The following TPST2 variants were observed in gnomAD, a reference collection of about 807,000 sequenced individuals.
TPST2 encodes the protein tyrosylprotein sulfotransferase 2.
Under a neutral mutation model 27.8 loss-of-function variants are expected in TPST2, and 16 were observed. That is an observed-to-expected ratio of 0.58 (90% confidence interval 0.39 to 0.88). The LOEUF is 0.88. TPST2 is among the 40% of genes least tolerant of loss of function. The pLI is 0.00. For missense variants in TPST2, 464 were observed against 543.1 expected (o/e 0.85, Z 1.45); for synonymous variants, 229 against 231.7 (o/e 0.99, Z 0.10).
chr22:26,555,718 C>A (rs1286880469), intron 1 of TPST2, among the ~76,000 whole-genome samples: 1 of 152,232 alleles, frequency 6.6e-6, no homozygotes, highest in East Asian at 1.9e-4. Context: ...ACGTTCAGGG[C>A]ACGCTGGAGC....
intron 1 of TPST2, among the ~76,000 whole-genome samples, chr22:26,570,442 C>A (rs1171681005): frequency 6.6e-6 from 1 of 152,138 alleles, no homozygotes; most frequent in Non-Finnish European, 1.5e-5. Context: ...GTCTGCTTGT[C>A]TTCCTCTTTC....
In TPST2 at chr22:26,541,228, C is replaced by T. The variant is rs772767474; in HGVS notation, c.403G>A (p.Ala135Thr). 14 of 1,555,970 alleles carry T rather than the reference C, an allele frequency of 9.0e-6. No individual in the cohort carries two copies. Among genetic ancestry groups the T allele is most frequent in the South Asian group, 1.2e-5 (1 of 81,512 alleles). Residue 135 changes from alanine (A) to threonine (T), a missense_variant, in exon 3 of 7, where the codon GCC becomes ACC. Physicochemically the swap from Ala to Thr is moderately conservative, Grantham distance 58. Coordinates refer to ENST00000338754, the MANE Select transcript of TPST2 (RefSeq NM_003595.5). The surrounding 1 kb of genome is among the most constrained non-coding windows in gnomAD (Gnocchi z 5.9). ...TCCAGGATGAAGGCCTGCATGGCGG[C>T]GTCCAGCACCTCATCCGTCACCCCC... ...EAGVTDEVLDAAMQAFILEVI... is the reference protein window; with the variant it reads ...EAGVTDEVLDTAMQAFILEVI...
At chr22:26,531,779 T>C (rs901560896) in intron 5 of TPST2, among the ~76,000 whole-genome samples, 8 of 152,164 alleles carry the variant, frequency 5.3e-5, no homozygotes, top group African/African-American at 1.4e-4. Context: ...CCAGCTGCAA[T>C]GGGGTGCGCA....
intron 1 of TPST2, among the ~76,000 whole-genome samples, chr22:26,552,254 C>T (rs771288106): frequency 1.2e-4 from 18 of 152,104 alleles, no homozygotes; most frequent in South Asian, 2.1e-4. Context: ...CTAAGGAACG[C>T]GTGGTCCGGT....
intron 1 of TPST2, among the ~76,000 whole-genome samples, chr22:26,568,178 T>G (rs1393314062): frequency 6.6e-6 from 1 of 152,186 alleles, no homozygotes; most frequent in African/African-American, 2.4e-5. Flanking sequence ...GGCAATAGAA[T>G]GGATAAACAA....
Position 26,541,772 on chromosome 22 carries a change from T to C in TPST2, c.-88-54A>G, listed in dbSNP as rs2147190381. On this transcript the variant is annotated intron_variant, in intron 2 of 6. Coordinates refer to ENST00000338754, the MANE Select transcript of TPST2 (RefSeq NM_003595.5). The surrounding 1 kb of genome is among the most constrained non-coding windows in gnomAD (Gnocchi z 5.9). ...AGGGAGGTCTGTGAGCTGTGAGCTC[T>C]CCAATAACTGCAAAGCCCTATAACT... is the stretch of plus-strand genomic sequence containing the variant. The C allele has an allele frequency of 5.0e-6, 7 of 1,409,262 alleles. No homozygotes were observed. The highest frequency in any genetic ancestry group is 2.6e-4 in the Middle Eastern group (1 of 3,826). 87.3% of individuals were successfully genotyped at this position (1,409,262 alleles called of 1,614,324 possible). A position where few individuals can be genotyped will look rare whatever the true frequency, so the allele number is the denominator to read the frequency against.
chr22:26,558,198 G>A (rs1215038174), intron 1 of TPST2, among the ~76,000 whole-genome samples: 1 of 150,262 alleles, frequency 6.7e-6, no homozygotes, highest in Non-Finnish European at 1.5e-5. Context: ...GAGTGCAATG[G>A]AGCAATCACA....
intron 1 of TPST2, among the ~76,000 whole-genome samples, chr22:26,557,645 G>C (rs560566060): frequency 3.3e-5 from 5 of 151,770 alleles, no homozygotes; most frequent in Non-Finnish European, 7.4e-5. Context: ...CATTGGTCTG[G>C]TTGTGACCTG....
chr22:26,561,991 C>A (rs1003180663), intron 1 of TPST2, among the ~76,000 whole-genome samples: 1 of 152,206 alleles, frequency 6.6e-6, no homozygotes, highest in African/African-American at 2.4e-5. Context: ...GGCTACACCC[C>A]GTGACATTTC....
chr22:26,562,874 C>T (rs138373449), intron 1 of TPST2, among the ~76,000 whole-genome samples: 3 of 152,244 alleles, frequency 2.0e-5, no homozygotes, highest in South Asian at 2.1e-4. Flanking sequence ...CTGCCCGCCT[C>T]GGCCTCCCAA....
Position 26,541,809 on chromosome 22 carries a change from G to C in TPST2, c.-88-91C>G. The C allele has an allele frequency of 8.0e-7, 1 of 1,247,308 alleles. No individual in the cohort carries two copies. The highest frequency in any genetic ancestry group is 1.1e-6 in the Non-Finnish European group (1 of 938,234). The allele number at this position is 1,247,308 out of a possible 1,614,324, so 77.3% of individuals were successfully genotyped here. On this transcript the variant is annotated intron_variant, in intron 2 of 6. Transcript: ENST00000338754. The surrounding 1 kb of genome is among the most constrained non-coding windows in gnomAD (Gnocchi z 5.9). ...AAAGCCCTATAACTGCAAACAAGAG[G>C]CTGCTGACATGAATGCAGAGGGCAC...
intron 1 of TPST2, among the ~76,000 whole-genome samples, chr22:26,558,759 G>A (rs12628737): frequency 0.16 from 24,087 of 152,156 alleles, 2,171 homozygotes; most frequent in South Asian, 0.3. Context: ...TTGTCCTTGA[G>A]CACAAAAACT....
In TPST2 at chr22:26,545,210, C is replaced by T. The variant is rs150413679; in HGVS notation, c.-160-535G>A. 1.4e-4 allele frequency among the ~76,000 whole-genome samples: 22 copies of T among 152,276 alleles called. No individual in the cohort carries two copies. The East Asian group carries it at 3.9e-3, about 27-fold the overall frequency. On this transcript the variant is annotated intron_variant, in intron 1 of 6. Transcript: ENST00000338754. ...CCTAACACTGACCAAATGCTGACCA[C>T]GCAAATACCTGTGTCATTTAAACCC...
At chr22:26,579,832 G>A (rs1928021547) in intron 1 of TPST2, among the ~76,000 whole-genome samples, 1 of 151,732 alleles carries the variant, frequency 6.6e-6, no homozygotes, top group African/African-American at 2.4e-5. Flanking sequence ...ATGTAGATGG[G>A]GAGAGAGAGT....
intron 1 of TPST2, among the ~76,000 whole-genome samples, chr22:26,553,232 A>G (rs565395563): frequency 6.6e-6 from 1 of 152,220 alleles, no homozygotes; most frequent in South Asian, 2.1e-4. Flanking sequence ...GCCTTTGGTA[A>G]GAGAAAAATG....
chr22:26,568,957 G>A (rs1927489390), intron 1 of TPST2, among the ~76,000 whole-genome samples: 1 of 145,310 alleles, frequency 6.9e-6, no homozygotes, highest in Admixed American at 7.1e-5. Flanking sequence ...TCCGCCTCCT[G>A]GGTTCACGCC....
At chr22:26,534,428 A>G (rs1925337852) in intron 4 of TPST2, among the ~76,000 whole-genome samples, 2 of 152,250 alleles carry the variant, frequency 1.3e-5, no homozygotes. Flanking sequence ...AATGAGAGAC[A>G]GCTTCCATTT....
chr22:26,562,698 AC>A (rs1927174609), intron 1 of TPST2, among the ~76,000 whole-genome samples: 1 of 150,982 alleles, frequency 6.6e-6, no homozygotes, highest in South Asian at 2.1e-4. Context: ...ATCTCAGCTC[AC>A]TGCAACCTCC....
chr22:26,555,303 C>G (rs371948789), intron 1 of TPST2: 25 of 517,980 alleles, frequency 4.8e-5, no homozygotes, highest in Non-Finnish European at 9.3e-5. Context: ...TTTGCACCAG[C>G]TAACTATTCA....
Sources: gnomAD v4.1 joint callset for allele counts (sites outside exome capture counted in the v4.1 genomes callset) on GRCh38, gnomAD v4.1.1 for gene constraint, Gnocchi (gnomAD v3.1) non-coding constraint, MANE v1.5 for transcripts, NCBI Gene and HGNC (gene_info 2026-07-23, HGNC 2026-07-21) for gene names.